The following RNF157 variants were observed in gnomAD, a reference collection of about 807,000 sequenced individuals.
The protein encoded by RNF157 is ring finger protein 157.
A neutral mutation model predicts 88.3 loss-of-function variants in RNF157; 55 were observed. The ratio of observed to expected loss-of-function variants is 0.62; its 90% CI spans 0.50 to 0.78. RNF157 has a LOEUF of 0.78. Ranked by LOEUF, RNF157 falls within the 30% of genes least tolerant of loss-of-function variation. RNF157 has a pLI of 0.00. For missense variants in RNF157, 788 were observed against 860.8 expected (o/e 0.92, Z 1.06); for synonymous variants, 334 against 341.2 (o/e 0.98, Z 0.23).
intron 1 of RNF157, among the ~76,000 whole-genome samples, chr17:76,227,818 G>C (rs1568077676): frequency 1.3e-5 from 2 of 151,956 alleles, no homozygotes. Flanking sequence ...CAGAGGTTGC[G>C]GTGAGCCAAG....
intron 3 of RNF157, among the ~76,000 whole-genome samples, chr17:76,169,361 C>A (rs2068977335): frequency 1.3e-5 from 2 of 151,304 alleles, no homozygotes; most frequent in Admixed American, 1.3e-4. Flanking sequence ...AAGATAACTT[C>A]TCTCATGTCT....
At chr17:76,165,601 C>T in intron 6 of RNF157, 56 bp from the exon 7 acceptor site, 10 of 1,587,298 alleles carry the variant, frequency 6.3e-6, no homozygotes, top group Non-Finnish European at 8.7e-6. Context: ...TCTTGATGCC[C>T]ATGACTTTCT....
chr17:76,163,751 C>T (rs1030442384), intron 8 of RNF157: 4 of 152,226 alleles, frequency 2.6e-5, no homozygotes, highest in Admixed American at 6.5e-5. Flanking sequence ...TCTAGCTACA[C>T]GAGCCTTTCC....
intron 2 of RNF157, among the ~76,000 whole-genome samples, chr17:76,186,939 C>CT (rs1568048395): frequency 1.7e-4 from 19 of 112,416 alleles, no homozygotes; most frequent in Admixed American, 5.6e-4. Flanking sequence ...GACTCCGACT[C>CT]AAAATAAATA....
At chr17:76,182,782 T>C (rs1307152628) in intron 2 of RNF157, among the ~76,000 whole-genome samples, 5 of 139,804 alleles carry the variant, frequency 3.6e-5, no homozygotes, top group Non-Finnish European at 7.6e-5. Context: ...TATATATATA[T>C]ATATATGAGA....
At chr17:76,235,433 C>T (rs1359983916) in intron 1 of RNF157, among the ~76,000 whole-genome samples, 1 of 152,076 alleles carries the variant, frequency 6.6e-6, no homozygotes, top group African/African-American at 2.4e-5. Flanking sequence ...CTCCTGACCT[C>T]GTGATCTGCC....
At chr17:76,201,470 C>T (rs907055064) in intron 2 of RNF157, among the ~76,000 whole-genome samples, 87 of 151,832 alleles carry the variant, frequency 5.7e-4, no homozygotes, top group African/African-American at 1.7e-3. Context: ...TATGATTGCA[C>T]CACTGCACTC....
chr17:76,201,100 G>T (rs527323262), intron 2 of RNF157, among the ~76,000 whole-genome samples: 1 of 151,996 alleles, frequency 6.6e-6, no homozygotes, highest in South Asian at 2.1e-4. Flanking sequence ...CCTCTACTTA[G>T]AAGTATTTCC....
At chr17:76,183,239 AC>A (rs534754847) in intron 2 of RNF157, among the ~76,000 whole-genome samples, 51 of 149,692 alleles carry the variant, frequency 3.4e-4, no homozygotes, top group African/African-American at 1.1e-3. Flanking sequence ...GCCCGGCCTC[AC>A]GTGGGAATAT....
At position 76,210,507 on chromosome 17, in the gene RNF157, G is replaced by A. The variant is rs375463647; in HGVS notation, c.207+1857C>T. Among the ~76,000 whole-genome samples, 909 of 147,506 alleles carry A rather than the reference G, an allele frequency of 6.2e-3. 10 individuals are homozygous for A. Among genetic ancestry groups the A allele is most frequent in the African/African-American group, 0.021 (826 of 39,450 alleles). On this transcript the variant is annotated intron_variant, in intron 2 of 18. Transcript: ENST00000269391. ...CAGGAGGCTGAGGCAGGAGAATGGC[G>A]TGAACCCGGGAGGCAGAGCTTTCAG... is the stretch of plus-strand genomic sequence containing the variant.
intron 2 of RNF157, among the ~76,000 whole-genome samples, chr17:76,182,756 G>C (rs1252170840): frequency 1.4e-5 from 1 of 73,558 alleles, no homozygotes; most frequent in Admixed American, 1.5e-4. Flanking sequence ...TTCAGGCCTC[G>C]TCTCATATAT....
rs945799626 is a variant in RNF157 at position 76,176,922 on chromosome 17, C to T, written c.208-3132G>A. Among the ~76,000 whole-genome samples, 1 of 152,292 alleles carries T rather than the reference C, an allele frequency of 6.6e-6. No homozygotes were observed. The highest frequency in any genetic ancestry group is 2.4e-5 in the African/African-American group (1 of 41,580). ...CCCACCCTGCCGAGGGTGCCAGGTTCCTGTGCCTCGGGAGGAGGTTCTGCG... is the reference window on the plus strand; with the variant it reads ...CCCACCCTGCCGAGGGTGCCAGGTTTCTGTGCCTCGGGAGGAGGTTCTGCG... On this transcript the variant is annotated intron_variant, in intron 2 of 18. Coordinates refer to ENST00000269391, the MANE Select transcript of RNF157 (RefSeq NM_052916.3). This position sits in a 1 kb window ranked among gnomAD's most constrained non-coding sequence, Gnocchi z 4.2.
rs142045726 is a variant in RNF157 at position 76,193,009 on chromosome 17, C to T, written c.208-19219G>A. On this transcript the variant is annotated intron_variant, in intron 2 of 18. Coordinates refer to ENST00000269391, the MANE Select transcript of RNF157 (RefSeq NM_052916.3). ...GCTAATTTTTGACTTTTTGTAGAGA[C>T]GGGACCTCGCTGTTTCCCAGGCTGG... is the stretch of plus-strand genomic sequence containing the variant. Among the ~76,000 whole-genome samples, 149 of 152,116 alleles carry T rather than the reference C, an allele frequency of 9.8e-4. 1 individual carries two copies. The highest frequency in any genetic ancestry group is 3.4e-3 in the African/African-American group (143 of 41,494).
rs111864209 is a variant in RNF157 at position 76,224,675 on chromosome 17, G to A, written c.89-12193C>T. ...ACTGGAAAAAGAAGAATGGTCTTAC[G>A]CCACACTTGAAATACACTAACACTA... On this transcript the variant is annotated intron_variant, in intron 1 of 18. Transcript: ENST00000269391. Among the ~76,000 whole-genome samples the A allele has an allele frequency of 6.4e-3, 963 of 151,118 alleles. 8 individuals are homozygous for A. Among genetic ancestry groups the A allele is most frequent in the African/African-American group, 0.022 (889 of 41,126 alleles).
intron 3 of RNF157, among the ~76,000 whole-genome samples, chr17:76,173,269 G>C (rs1032256272): frequency 4.0e-5 from 6 of 151,598 alleles, no homozygotes; most frequent in South Asian, 2.1e-4. Context: ...CTGGGTGACA[G>C]AGCGAGACTC....
chr17:76,147,258 A>G (rs916153814), intron 18 of RNF157: 1 of 984,742 alleles, frequency 1.0e-6, no homozygotes, highest in African/African-American at 1.7e-5. Flanking sequence ...ATAATTTGGT[A>G]GATCTCATAC....
Position 76,146,829 on chromosome 17 carries a change from G to A in RNF157, c.1922-1476C>T. 1 of 985,478 alleles carries A rather than the reference G, an allele frequency of 1.0e-6. No individual in the cohort carries two copies. Among genetic ancestry groups the A allele is most frequent in the Non-Finnish European group, 1.2e-6 (1 of 829,932 alleles). The allele number at this position is 985,478 out of a possible 1,614,324, so 61.0% of individuals were successfully genotyped here. A position where few individuals can be genotyped will look rare whatever the true frequency, so the allele number is the denominator to read the frequency against. On this transcript the variant is annotated intron_variant, in intron 18 of 18. Coordinates refer to ENST00000269391, the MANE Select transcript of RNF157 (RefSeq NM_052916.3). The surrounding 1 kb of genome is among the most constrained non-coding windows in gnomAD (Gnocchi z 4.2). ...GTTCAGCGGACAAGGCCGACCAACT[G>A]TAGAGTGTGGCCGTGAGGTTGAGAG...
At chr17:76,168,551 C>A (rs1054553994) in intron 3 of RNF157, among the ~76,000 whole-genome samples, 1 of 151,862 alleles carries the variant, frequency 6.6e-6, no homozygotes, top group Non-Finnish European at 1.5e-5. Flanking sequence ...CTATTCATTT[C>A]ATCTTATTGA....
chr17:76,205,778 T>C (rs1200392016), intron 2 of RNF157, among the ~76,000 whole-genome samples: 1 of 149,996 alleles, frequency 6.7e-6, no homozygotes, highest in Non-Finnish European at 1.5e-5. Context: ...TAATGCCAGC[T>C]GTGCAGCTCT....
Sources: allele counts gnomAD v4.1 joint callset (sites outside exome capture counted in the v4.1 genomes callset), GRCh38; gene constraint gnomAD v4.1.1; non-coding constraint Gnocchi (gnomAD v3.1); transcripts MANE v1.5; gene names NCBI Gene and HGNC (gene_info 2026-07-23, HGNC 2026-07-21).